Variants in CELF2 observed in about 807,000 individuals in gnomAD.
The protein encoded by CELF2 is CUG triplet repeat RNA-binding protein 2.
A neutral mutation model predicts 62.6 loss-of-function variants in CELF2; 8 were observed. The observed-to-expected ratio is 0.13, with a 90% CI of 0.07 to 0.23. CELF2 has a LOEUF of 0.23. Ranked by LOEUF, CELF2 falls within the 10% of genes least tolerant of loss-of-function variation. The pLI is 1.00. For synonymous variants in CELF2, 258 were observed against 250.0 expected (o/e 1.03, Z -0.30); for missense variants, 333 against 671.0 (o/e 0.50, Z 5.56).
chr10:10,588,705 A>G, the CELF2 span, among the ~76,000 whole-genome samples: 1 of 152,248 alleles, frequency 6.6e-6, no homozygotes, highest in Non-Finnish European at 1.5e-5. Flanking sequence ...TTACCAAAAT[A>G]GGTCAAGGGG....
intron 1 of CELF2, among the ~76,000 whole-genome samples, chr10:11,143,779 C>T (rs1042728743): frequency 6.6e-6 from 1 of 152,212 alleles, no homozygotes; most frequent in African/African-American, 2.4e-5. Flanking sequence ...GTTAGAAAGT[C>T]TCTAGACATA....
In CELF2 at chr10:11,005,874, A is replaced by G. The variant is rs1347993316; in HGVS notation, c.53+434A>G. 6.6e-6 allele frequency among the ~76,000 whole-genome samples: 1 copy of G among 152,172 alleles called. No homozygotes were observed. The highest frequency in any genetic ancestry group is 1.9e-4 in the East Asian group (1 of 5,198). On this transcript the variant is annotated intron_variant, in intron 1 of 12. Coordinates refer to the CELF2 transcript ENST00000416382. The surrounding 1 kb of genome is among the most constrained non-coding windows in gnomAD (Gnocchi z 4.3). ...AGACTTGCGTTCCAAATACCGCTCT[A>G]ATCTGGACTTAGCCTACCTAAATAG... is the stretch of plus-strand genomic sequence containing the variant.
the CELF2 span, among the ~76,000 whole-genome samples, chr10:10,688,421 A>G: frequency 6.6e-6 from 1 of 152,202 alleles, no homozygotes; most frequent in Non-Finnish European, 1.5e-5. Flanking sequence ...ACTGCCTTCC[A>G]GTGCTGCCCA....
chr10:11,002,187 G>A (rs1272733275), upstream of CELF2, among the ~76,000 whole-genome samples: 1 of 152,166 alleles, frequency 6.6e-6, no homozygotes, highest in African/African-American at 2.4e-5. The surrounding 1 kb of genome is among the most constrained non-coding windows in gnomAD (Gnocchi z 4.4). Flanking sequence ...GAGAGGAAAT[G>A]AGAGCCAAGT....
At chr10:11,254,066 C>G (rs141885598) in intron 4 of CELF2, among the ~76,000 whole-genome samples, 1 of 152,042 alleles carries the variant, frequency 6.6e-6, no homozygotes, top group Non-Finnish European at 1.5e-5. Flanking sequence ...AAAAACTCAC[C>G]AAGACGGTCA....
intron 2 of CELF2, among the ~76,000 whole-genome samples, chr10:10,976,431 T>A (rs2051346732): frequency 6.6e-6 from 1 of 152,220 alleles, no homozygotes. Context: ...TCTGTGTATA[T>A]CTTCATGAAA....
intron 1 of CELF2, among the ~76,000 whole-genome samples, chr10:11,062,154 G>GA (rs149881609): frequency 4.4e-4 from 67 of 151,344 alleles, no homozygotes; most frequent in African/African-American, 1.2e-3. Flanking sequence ...CTCAGGGGGG[G>GA]AAAAAAAAAT....
upstream of CELF2, among the ~76,000 whole-genome samples, chr10:10,793,938 A>C (rs2053992757): frequency 6.6e-6 from 1 of 152,182 alleles, no homozygotes; most frequent in Admixed American, 6.5e-5. Context: ...AGGAACCCAA[A>C]GTTGAATTTC....
At chr10:11,095,246 C>T (rs1427985473) in intron 1 of CELF2, among the ~76,000 whole-genome samples, 2 of 152,198 alleles carry the variant, frequency 1.3e-5, no homozygotes, top group African/African-American at 4.8e-5. Flanking sequence ...GAAGCATGCA[C>T]ATGTAACACA....
At chr10:10,655,567 G>A in the CELF2 span, among the ~76,000 whole-genome samples, 64 of 110,996 alleles carry the variant, frequency 5.8e-4, 8 homozygotes, top group African/African-American at 1.6e-3. Flanking sequence ...AAATAACGCC[G>A]CATATCTACA....
chr10:11,012,861 A>T lies in CELF2; in HGVS notation c.53+7421A>T, dbSNP rs975901783. Among the ~76,000 whole-genome samples, 1 of 152,090 alleles carries T rather than the reference A, an allele frequency of 6.6e-6. No individual in the cohort carries two copies. Among genetic ancestry groups the T allele is most frequent in the African/African-American group, 2.4e-5 (1 of 41,408 alleles). ...TCGGCATCTTCAAGAGGGCACTGGG[A>T]CATTTCTTCAAAGGATTTTTTTTTT... On this transcript the variant is annotated intron_variant, in intron 1 of 12. Coordinates refer to the CELF2 transcript ENST00000416382. This position sits in a 1 kb window ranked among gnomAD's most constrained non-coding sequence, Gnocchi z 5.5.
intron 1 of CELF2, among the ~76,000 whole-genome samples, chr10:10,823,609 T>A (rs1463393285): frequency 1.3e-5 from 2 of 152,282 alleles, no homozygotes; most frequent in East Asian, 3.9e-4. Context: ...GGCTGAATTA[T>A]GTTAAATGTA....
rs551928313 is a variant in CELF2 at position 10,938,852 on chromosome 10, C to T, written c.89+18853C>T. On this transcript the variant is annotated intron_variant, in intron 2 of 13. Transcript: ENST00000636488. This position sits in a 1 kb window ranked among gnomAD's most constrained non-coding sequence, Gnocchi z 4.2. Reference sequence around the variant, plus strand: ...CACCGAGGGACGCAGAAGCAGCTGTCTTTTTCCATCTGCCCTGCCTCTTGC... The same window carrying T: ...CACCGAGGGACGCAGAAGCAGCTGTTTTTTTCCATCTGCCCTGCCTCTTGC... 6.6e-6 allele frequency among the ~76,000 whole-genome samples: 1 copy of T among 152,336 alleles called. No homozygotes were observed. Among genetic ancestry groups the T allele is most frequent in the Admixed American group, 6.5e-5 (1 of 15,310 alleles).
At position 10,934,185 on chromosome 10, in the gene CELF2, A is replaced by G. The variant is rs7093034; in HGVS notation, c.89+14186A>G. Among the ~76,000 whole-genome samples the G allele has an allele frequency of 0.37, 56,927 of 152,034 alleles. 11,371 individuals carry two copies. Among genetic ancestry groups the G allele is most frequent in the East Asian group, 0.74 (3,806 of 5,178 alleles). Reference sequence around the variant, plus strand: ...TGTGATTTGCTTTGTTTTGTTTTCAATACCAGTAGGGGCATTGGAACAGGG... The same window carrying G: ...TGTGATTTGCTTTGTTTTGTTTTCAGTACCAGTAGGGGCATTGGAACAGGG... On this transcript the variant is annotated intron_variant, in intron 2 of 13. Coordinates refer to the CELF2 transcript ENST00000636488. This position sits in a 1 kb window ranked among gnomAD's most constrained non-coding sequence, Gnocchi z 4.4.
chr10:10,631,969 T>C, the CELF2 span, among the ~76,000 whole-genome samples: 5 of 152,242 alleles, frequency 3.3e-5, no homozygotes, highest in African/African-American at 7.2e-5. Context: ...ATATGAATAA[T>C]ACATACTAAT....
the CELF2 span, among the ~76,000 whole-genome samples, chr10:10,718,444 T>G: frequency 6.6e-6 from 1 of 151,690 alleles, no homozygotes; most frequent in Non-Finnish European, 1.5e-5. Context: ...GCCAACATGG[T>G]GAAACCCCCT....
intron 1 of CELF2, among the ~76,000 whole-genome samples, chr10:11,055,720 C>T (rs370610191): frequency 7.2e-5 from 11 of 152,326 alleles, no homozygotes; most frequent in African/African-American, 2.2e-4. Flanking sequence ...CTGGAAGGCA[C>T]GGCAGACTAT....
In CELF2 at chr10:11,012,576, AC is replaced by A. The variant is rs2056643057; in HGVS notation, c.53+7137del. Among the ~76,000 whole-genome samples the A allele has an allele frequency of 6.6e-6, 1 of 152,118 alleles. No individual in the cohort carries two copies. The highest frequency in any genetic ancestry group is 2.4e-5 in the African/African-American group (1 of 41,404). On this transcript the variant is annotated intron_variant, in intron 1 of 12. Transcript: ENST00000416382. This position sits in a 1 kb window ranked among gnomAD's most constrained non-coding sequence, Gnocchi z 5.5. ...GCTGCCTTCTCCGGGACCGAATGTT[AC>A]GCCTGCAACTGTGTCCTCCCAGCTG... is the stretch of plus-strand genomic sequence containing the variant.
chr10:11,026,310 G>A (rs1360809437), intron 1 of CELF2, among the ~76,000 whole-genome samples: 6 of 152,138 alleles, frequency 3.9e-5, no homozygotes, highest in African/African-American at 7.2e-5. Flanking sequence ...AAAGGTGAAC[G>A]TTACAGCAGA....
Sources: allele counts gnomAD v4.1 joint callset (sites outside exome capture counted in the v4.1 genomes callset), GRCh38; gene constraint gnomAD v4.1.1; non-coding constraint Gnocchi (gnomAD v3.1); transcripts MANE v1.5; gene names NCBI Gene and HGNC (gene_info 2026-07-23, HGNC 2026-07-21).